BABAM2: variants seen among roughly 807,000 people sequenced by gnomAD.
The protein encoded by BABAM2 is BRISC and BRCA1-A complex member 2.
A neutral mutation model predicts 54.7 loss-of-function variants in BABAM2; 31 were observed. The ratio of observed to expected loss-of-function variants is 0.57; its 90% CI spans 0.43 to 0.77. The LOEUF (loss-of-function observed/expected upper bound fraction) is 0.77, where lower values mean the gene tolerates loss of function less well. Ranked by LOEUF, BABAM2 falls within the 30% of genes least tolerant of loss-of-function variation. The probability of loss-of-function intolerance (pLI) is 0.00; values close to 1 mark genes in which losing one functional copy is unlikely to be tolerated. For synonymous variants in BABAM2, 167 were observed against 162.9 expected (o/e 1.03, Z -0.19); for missense variants, 364 against 455.8 (o/e 0.80, Z 1.83).
chr2:28,017,309 A>G (rs1259365882), intron 4 of BABAM2, among the ~76,000 whole-genome samples: 1 of 152,108 alleles, frequency 6.6e-6, no homozygotes, highest in Non-Finnish European at 1.5e-5. Flanking sequence ...TGACATTTTA[A>G]AAAATCATGC....
chr2:27,984,706 A>G (rs1022778212), intron 3 of BABAM2, among the ~76,000 whole-genome samples: 1 of 150,426 alleles, frequency 6.6e-6, no homozygotes, highest in Admixed American at 6.6e-5. Flanking sequence ...TTTATTTTTT[A>G]TTCCAGTAGG....
At chr2:27,942,539 T>C (rs1190981171) in intron 3 of BABAM2, among the ~76,000 whole-genome samples, 2 of 151,296 alleles carry the variant, frequency 1.3e-5, no homozygotes, top group Non-Finnish European at 1.5e-5. Context: ...TTTGCATTTT[T>C]TTTTTTTTTT....
intron 7 of BABAM2, among the ~76,000 whole-genome samples, chr2:28,158,422 A>G (rs1237156882): frequency 6.6e-6 from 1 of 152,260 alleles, no homozygotes; most frequent in African/African-American, 2.4e-5. Context: ...GTACTGAAAT[A>G]CACACTGTTG....
intron 4 of BABAM2, among the ~76,000 whole-genome samples, chr2:28,011,579 G>A (rs984009129): frequency 6.6e-6 from 1 of 152,200 alleles, no homozygotes; most frequent in Non-Finnish European, 1.5e-5. Context: ...CAGCTAAGAT[G>A]TGGAGAAACA....
chr2:28,318,258 AG>A (rs1689734421), intron 11 of BABAM2, among the ~76,000 whole-genome samples: 1 of 151,544 alleles, frequency 6.6e-6, no homozygotes, highest in African/African-American at 2.4e-5. Flanking sequence ...GGACTAGATA[AG>A]GGTTGGGCAA....
intron 6 of BABAM2, among the ~76,000 whole-genome samples, chr2:28,050,338 C>G (rs889955152): frequency 2.6e-5 from 4 of 152,326 alleles, no homozygotes; most frequent in Admixed American, 1.3e-4. Context: ...ACCTAACTGT[C>G]TTGTACCAGG....
intron 6 of BABAM2, among the ~76,000 whole-genome samples, chr2:28,073,780 A>C (rs373338999): frequency 1.3e-5 from 2 of 152,134 alleles, no homozygotes; most frequent in South Asian, 2.1e-4. Context: ...AATGTGTCAT[A>C]ATTTAATTAA....
chr2:28,129,324 G>C lies in BABAM2; in HGVS notation c.624G>C (p.Glu208Asp). The C allele has an allele frequency of 6.2e-7, 1 of 1,614,152 alleles. No homozygotes were observed. Among genetic ancestry groups the C allele is most frequent in the Non-Finnish European group, 8.5e-7 (1 of 1,180,022 alleles). ...EDVALLSVSFEDTEATQVYPK... is the reference protein window; with the variant it reads ...EDVALLSVSFDDTEATQVYPK... ...TGGCCCTCCTCTCTGTTAGTTTTGA[G>C]GACACTGAAGCCACCCAGGTGTACC... The change falls in exon 7 of 12, where the codon GAG becomes GAC. Residue 208 changes from glutamate (E) to aspartate (D), a missense_variant. Transcript: ENST00000379624.
At chr2:27,998,021 C>T (rs748485584) in intron 4 of BABAM2, among the ~76,000 whole-genome samples, 16 of 152,126 alleles carry the variant, frequency 1.1e-4, no homozygotes, top group African/African-American at 2.4e-4. Flanking sequence ...GGCATGGTGG[C>T]GCGCACCTGT....
At chr2:27,993,163 C>T (rs770102362) in intron 4 of BABAM2, among the ~76,000 whole-genome samples, 34 of 152,258 alleles carry the variant, frequency 2.2e-4, no homozygotes, top group Non-Finnish European at 2.4e-4. Context: ...TAAAAAAGGG[C>T]AGTCCCAGGC....
intron 6 of BABAM2, among the ~76,000 whole-genome samples, chr2:28,115,631 T>A (rs1013694007): frequency 6.7e-6 from 1 of 150,256 alleles, no homozygotes. Flanking sequence ...TCTCAAAAAA[T>A]AAATAAATAA....
chr2:27,964,717 G>A (rs140848874), intron 3 of BABAM2, among the ~76,000 whole-genome samples: 3 of 152,308 alleles, frequency 2.0e-5, no homozygotes, highest in Non-Finnish European at 4.4e-5. Flanking sequence ...ATAGAAAGAG[G>A]TGGAAATGGA....
At chr2:28,195,177 T>C (rs1677388601) in intron 7 of BABAM2, among the ~76,000 whole-genome samples, 1 of 152,170 alleles carries the variant, frequency 6.6e-6, no homozygotes, top group African/African-American at 2.4e-5. Context: ...CATTGGGGGA[T>C]AAAAAATATA....
chr2:28,295,580 C>G (rs547446241), intron 10 of BABAM2, among the ~76,000 whole-genome samples: 19 of 152,102 alleles, frequency 1.2e-4, no homozygotes, highest in Non-Finnish European at 2.6e-4. Flanking sequence ...ACTGCAACAT[C>G]TCTCTCCAGA....
In BABAM2 at chr2:28,139,341, A is replaced by G. The variant is rs72814476; in HGVS notation, c.680+9961A>G. ...CGTCTCAAAAAAAAAAAAAAAAAAA[A>G]AAAAGAAAAAGAAAAAAAAGAGGTG... On this transcript the variant is annotated intron_variant, in intron 7 of 11. Coordinates refer to ENST00000379624, the MANE Select transcript of BABAM2 (RefSeq NM_199191.3). Among the ~76,000 whole-genome samples, 999 of 123,794 alleles carry G rather than the reference A, an allele frequency of 8.1e-3. 5 individuals are homozygous for G. Among genetic ancestry groups the G allele is most frequent in the South Asian group, 0.03 (95 of 3,212 alleles). The allele number at this position is 123,794 out of a possible 152,430, so 81.2% of individuals were successfully genotyped here.
At chr2:28,298,525 G>A in intron 11 of BABAM2, 34 bp downstream of exon 11, 2 of 1,613,414 alleles carry the variant, frequency 1.2e-6, no homozygotes, top group Non-Finnish European at 8.5e-7. Flanking sequence ...CAACAGGTAA[G>A]AGCATTTTGT....
At position 28,257,720 on chromosome 2, in the gene BABAM2, C is replaced by CA. The variant is rs541759241; in HGVS notation, c.934+12865dup. Reference sequence around the variant, plus strand: ...GCAACATTGCAAGACCCTTTCTCTACAAAAAAATTTAAAAATTAGCCCAGT... The same window carrying CA: ...GCAACATTGCAAGACCCTTTCTCTACAAAAAAAATTTAAAAATTAGCCCAGT... On this transcript the variant is annotated intron_variant, in intron 10 of 11. Coordinates refer to ENST00000379624, the MANE Select transcript of BABAM2 (RefSeq NM_199191.3). Among the ~76,000 whole-genome samples the CA allele has an allele frequency of 7.2e-5, 11 of 152,108 alleles. 1 individual carries two copies. In the East Asian group the frequency reaches 2.1e-3, roughly 29 times the overall value.
chr2:27,918,407 C>T (rs1667128732), intron 2 of BABAM2, among the ~76,000 whole-genome samples: 1 of 151,974 alleles, frequency 6.6e-6, no homozygotes, highest in Non-Finnish European at 1.5e-5. Flanking sequence ...TAGCATGTGT[C>T]AAAATTTCCT....
At chr2:28,053,181 T>TA (rs768932415) in intron 6 of BABAM2, among the ~76,000 whole-genome samples, 8 of 152,176 alleles carry the variant, frequency 5.3e-5, no homozygotes, top group Non-Finnish European at 1.2e-4. Flanking sequence ...AGGCTGACCT[T>TA]ACAAGTTTTT....
Sources: gnomAD v4.1 joint callset for allele counts (sites outside exome capture counted in the v4.1 genomes callset) on GRCh38, gnomAD v4.1.1 for gene constraint, MANE v1.5 for transcripts, NCBI Gene and HGNC (gene_info 2026-07-23, HGNC 2026-07-21) for gene names.